POTEF: variants seen among roughly 807,000 people sequenced by gnomAD.
POTEF encodes POTE ankyrin domain family member F, also known as ANKRD26-like family C member 1B.
In POTEF, 20 loss-of-function variants were observed where a neutral mutation model predicts 83.2. That is an observed-to-expected ratio of 0.24 (90% CI 0.17 to 0.35). POTEF has a LOEUF of 0.35. Among genes scored for constraint, POTEF ranks in the 10% least tolerant of loss-of-function variants. The probability of loss-of-function intolerance (pLI) is 1.00; values close to 1 mark genes in which losing one functional copy is unlikely to be tolerated. For synonymous variants in POTEF, 196 were observed against 446.4 expected (o/e 0.44, Z 7.07); for missense variants, 550 against 1,203.2 (o/e 0.46, Z 8.03).
chr2:130,103,313 A>T (rs906128656), intron 8 of POTEF, among the ~76,000 whole-genome samples: 2 of 150,236 alleles, frequency 1.3e-5, no homozygotes, highest in African/African-American at 5.0e-5. Flanking sequence ...ATTGGCCATG[A>T]TGGTCCTGAT....
intron 8 of POTEF, among the ~76,000 whole-genome samples, chr2:130,102,753 A>T (rs771993471): frequency 0.017 from 2,630 of 151,314 alleles, 158 homozygotes; most frequent in African/African-American, 0.062. Context: ...GTTCCTGTTG[A>T]CCTTCAATGC....
In POTEF at chr2:130,115,498, G is replaced by A. The variant is rs545398483; in HGVS notation, c.522-170C>T. Among the ~76,000 whole-genome samples the A allele has an allele frequency of 8.1e-3, 1,238 of 152,192 alleles. 7 individuals are homozygous for A. Among genetic ancestry groups the A allele is most frequent in the Middle Eastern group, 0.034 (10 of 294 alleles). ...TATTTATTATCTCTCATTGCTCGCT[G>A]TATTAATGAAAGGGCAGCCTATATG... is the stretch of plus-strand genomic sequence containing the variant. On this transcript the variant is annotated intron_variant, in intron 3 of 16. Transcript: ENST00000409914.
chr2:130,122,136 G>A (rs1685014874), intron 2 of POTEF, among the ~76,000 whole-genome samples: 1 of 143,996 alleles, frequency 6.9e-6, no homozygotes, highest in Non-Finnish European at 1.5e-5. Flanking sequence ...ATCCTTTTTG[G>A]AGCATGTATT....
intron 15 of POTEF, among the ~76,000 whole-genome samples, chr2:130,079,639 A>ATGGAATCAACC: frequency 1.5e-5 from 1 of 66,438 alleles, no homozygotes; most frequent in Admixed American, 2.2e-4. Flanking sequence ...ATGCAAAGAT[A>ATGGAATCAACC]TGGAATCAAC....
intron 11 of POTEF, among the ~76,000 whole-genome samples, chr2:130,097,166 TAAATA>T (rs1305294495): frequency 9.4e-6 from 1 of 106,266 alleles, no homozygotes; most frequent in Admixed American, 1.0e-4. Flanking sequence ...GCTGACAGAT[TAAATA>T]AAATGAGGTG....
chr2:130,122,746 C>T (rs1053173636), intron 2 of POTEF, among the ~76,000 whole-genome samples: 4 of 150,536 alleles, frequency 2.7e-5, no homozygotes, highest in African/African-American at 9.8e-5. Flanking sequence ...CGTTCACATC[C>T]TTCATTAAAA....
chr2:130,075,618 A>G (rs1206390804), intron 16 of POTEF, 46 bp from the exon 17 acceptor site: 7 of 1,573,470 alleles, frequency 4.4e-6, no homozygotes, highest in Admixed American at 1.9e-5. Flanking sequence ...ATAGATTGAC[A>G]TATCATGATT....
At chr2:130,100,754 G>A in intron 9 of POTEF, 34 bp from the exon 10 acceptor site, 1 of 1,606,284 alleles carries the variant, frequency 6.2e-7, no homozygotes, top group Non-Finnish European at 8.5e-7. Flanking sequence ...TAATTTGCTT[G>A]TTGTGTTTCT....
intron 8 of POTEF, among the ~76,000 whole-genome samples, chr2:130,106,954 A>AGC (rs1246900185): frequency 1.3e-5 from 2 of 149,988 alleles, no homozygotes; most frequent in African/African-American, 5.0e-5. Context: ...CACCTTAAAG[A>AGC]TCAAAACTAC....
intron 8 of POTEF, among the ~76,000 whole-genome samples, chr2:130,107,430 T>C (rs1684571520): frequency 6.6e-6 from 1 of 150,948 alleles, no homozygotes. Flanking sequence ...TACTTTTTTA[T>C]CTATGGTAGG....
intron 1 of POTEF, among the ~76,000 whole-genome samples, chr2:130,128,447 C>A (rs1223427577): frequency 1.3e-5 from 2 of 150,606 alleles, no homozygotes; most frequent in Admixed American, 1.3e-4. Flanking sequence ...GGCAGTATAG[C>A]CCCCATAGCA....
At position 130,112,070 on chromosome 2, in the gene POTEF, T is replaced by C; in HGVS notation, c.842A>G (p.His281Arg). 3 of 1,471,796 alleles carry C rather than the reference T, an allele frequency of 2.0e-6. No individual in the cohort carries two copies. Among genetic ancestry groups the C allele is most frequent in the South Asian group, 1.2e-5 (1 of 85,332 alleles). 91.2% of individuals were successfully genotyped at this position (1,471,796 alleles called of 1,614,324 possible). Residue 281 changes from histidine to arginine, a missense_variant, in exon 6 of 17, where the codon CAT (histidine) becomes CGT (arginine). Coordinates refer to ENST00000409914, the MANE Select transcript of POTEF (RefSeq NM_001099771.2). ...HGLTPLLLGV[H>R]EQKQQVVKFL... ...TTTCACGACTTGCTGTTTTTGCTCA[T>C]GTACACCAAGTAACAGTGGTGTGAG...
At chr2:130,114,774 T>A in intron 5 of POTEF, 107 bp downstream of exon 5, 1 of 1,490,840 alleles carries the variant, frequency 6.7e-7, no homozygotes, top group Non-Finnish European at 9.0e-7. Context: ...AATATTTCCA[T>A]TCAGGTTATG....
Position 130,075,298 on chromosome 2 carries a change from T to C in POTEF, c.2174A>G (p.Asp725Gly). 4.3e-6 allele frequency: 7 copies of C among 1,612,670 alleles called. No individual in the cohort carries two copies. The highest frequency in any genetic ancestry group is 1.9e-4 in the Middle Eastern group (1 of 5,218). The change falls in exon 17 of 17, where the codon GAT becomes GGT. Residue 725 changes from aspartate to glycine, a missense_variant. Transcript: ENST00000409914. Reference sequence around the variant, plus strand: ...GGAAGGGAAGACAGCCCGGGGGGCATCGTCGCCCGCAAAGCCGGCCTTGCA... The same window carrying C: ...GGAAGGGAAGACAGCCCGGGGGGCACCGTCGCCCGCAAAGCCGGCCTTGCA... The part of the protein sequence containing the change: ...GMCKAGFAGD[D>G]APRAVFPSIV...
intron 2 of POTEF, among the ~76,000 whole-genome samples, chr2:130,121,835 T>C (rs1244156952): frequency 8.9e-6 from 1 of 112,516 alleles, no homozygotes; most frequent in Non-Finnish European, 1.8e-5. Context: ...AATTCACTCA[T>C]TTAAAGTATA....
chr2:130,113,553 C>T (rs1684768227), intron 5 of POTEF, among the ~76,000 whole-genome samples: 1 of 105,548 alleles, frequency 9.5e-6, no homozygotes, highest in Non-Finnish European at 2.0e-5. Flanking sequence ...TTGTTAGAGA[C>T]AGGGTCTCAT....
chr2:130,108,222 A>T, intron 7 of POTEF, 143 bp from the exon 8 acceptor site: 1 of 1,365,872 alleles, frequency 7.3e-7, no homozygotes, highest in Non-Finnish European at 9.8e-7. Flanking sequence ...TTGTGAGTAC[A>T]TTCTACAAAC....
At chr2:130,128,227 C>T (rs904915713) in intron 1 of POTEF, among the ~76,000 whole-genome samples, 8 of 150,360 alleles carry the variant, frequency 5.3e-5, no homozygotes, top group African/African-American at 1.2e-4. Context: ...AATCCCCACC[C>T]GGTAGTCCCA....
intron 2 of POTEF, among the ~76,000 whole-genome samples, chr2:130,123,574 T>C (rs1235823026): frequency 2.0e-5 from 3 of 151,910 alleles, no homozygotes; most frequent in Non-Finnish European, 4.4e-5. Flanking sequence ...ATTCTGTAAG[T>C]GACATATGCA....
Sources: allele counts gnomAD v4.1 joint callset (sites outside exome capture counted in the v4.1 genomes callset), GRCh38; gene constraint gnomAD v4.1.1; transcripts MANE v1.5; gene names NCBI Gene and HGNC (gene_info 2026-07-23, HGNC 2026-07-21).